PIGG: variants seen among roughly 807,000 people sequenced by gnomAD.
The protein encoded by PIGG is phosphatidylinositol glycan anchor biosynthesis class G (EMM blood group), also known as GPI ethanolamine phosphate transferase 2, catalytic subunit.
PIGG carries 70 observed loss-of-function variants against 83.2 expected under a neutral mutation model. That is an observed-to-expected ratio of 0.84 (90% CI 0.69 to 1.03). The LOEUF (loss-of-function observed/expected upper bound fraction) is 1.03. PIGG is among the 50% of genes least tolerant of loss of function. The pLI is 0.00. For missense variants in PIGG, 1,257 were observed against 1,233.6 expected (o/e 1.02, Z -0.28); for synonymous variants, 532 against 519.5 (o/e 1.02, Z -0.33).
chr4:538,344 G>C (rs571483004), intron 12 of PIGG, among the ~76,000 whole-genome samples: 1 of 152,240 alleles, frequency 6.6e-6, no homozygotes, highest in African/African-American at 2.4e-5. Context: ...AACATACTTC[G>C]AGGGGTGGCT....
In PIGG at chr4:530,506, C is replaced by T. The variant is rs2109014450; in HGVS notation, c.2332C>T (p.Leu778Phe). 8 of 1,613,094 alleles carry T rather than the reference C, an allele frequency of 5.0e-6. No homozygotes were observed. The highest frequency in any genetic ancestry group is 6.8e-6 in the Non-Finnish European group (8 of 1,179,024). ...TCTGTTCACGGGCACCAAAGACTTA[C>T]TTAAATCTCAAGTCATTGCTGCAGA... ...GILFTGTKDL[L>F]KSQVIAADFK... Residue 778 changes from leucine (L) to phenylalanine (F), a missense_variant, in exon 11 of 13, where the codon CTT becomes TTT. Coordinates refer to ENST00000453061, the MANE Select transcript of PIGG (RefSeq NM_001127178.3).
Position 507,600 on chromosome 4 carries a change from C to T in PIGG, c.759+7C>T, listed in dbSNP as rs367706347. Reference sequence around the variant, plus strand: ...CACCTCACTGCAGTCGAAGGTGAGGCTCGCCGTCGCTCACTGTCTGCTGAT... The same window carrying T: ...CACCTCACTGCAGTCGAAGGTGAGGTTCGCCGTCGCTCACTGTCTGCTGAT... On this transcript the variant is annotated splice_region_variant and intron_variant, in intron 4 of 12. Transcript: ENST00000453061. 6.2e-7 allele frequency: 1 copy of T among 1,602,754 alleles called. No homozygotes were observed. Among genetic ancestry groups the T allele is most frequent in the Non-Finnish European group, 8.5e-7 (1 of 1,172,938 alleles).
At chr4:527,469 G>C in intron 10 of PIGG, 1 of 1,278,626 alleles carries the variant, frequency 7.8e-7, no homozygotes, top group Non-Finnish European at 9.8e-7. Context: ...GTTACTTTTA[G>C]GAGACAAATC....
At chr4:507,311 C>A in intron 3 of PIGG, 94 bp from the exon 4 acceptor site, 3 of 952,738 alleles carry the variant, frequency 3.1e-6, no homozygotes, top group South Asian at 1.6e-5. Context: ...CTGAATAAAC[C>A]CCTAGATTTT....
chr4:528,045 C>A lies in PIGG; in HGVS notation c.2261+815C>A. ...AATTATCCAGCAGCAATACAGTGAT[C>A]CTCCCAGTGAGGTCGGTGCTCTGAC... On this transcript the variant is annotated intron_variant, in intron 10 of 12. Coordinates refer to ENST00000453061, the MANE Select transcript of PIGG (RefSeq NM_001127178.3). This position sits in a 1 kb window ranked among gnomAD's most constrained non-coding sequence, Gnocchi z 4.8. 1.0e-6 allele frequency: 1 copy of A among 985,402 alleles called. No homozygotes were observed. The highest frequency in any genetic ancestry group is 1.2e-6 in the Non-Finnish European group (1 of 829,932). The allele number at this position is 985,402 out of a possible 1,614,324, so 61.0% of individuals were successfully genotyped here. A position where few individuals can be genotyped will look rare whatever the true frequency, so the allele number is the denominator to read the frequency against.
intron 10 of PIGG, among the ~76,000 whole-genome samples, chr4:529,730 C>G (rs186465946): frequency 9.5e-4 from 145 of 152,262 alleles, no homozygotes; most frequent in African/African-American, 3.3e-3. Flanking sequence ...CCTGCATTCC[C>G]TTGCTTAATT....
chr4:525,954 A>G (rs1727476778), intron 9 of PIGG: 1 of 152,208 alleles, frequency 6.6e-6, no homozygotes. Context: ...GTGTCCCGGA[A>G]TAGCACTTTG....
chr4:511,295 TTAAAAAAAAAA>T (rs1721852455), intron 5 of PIGG, among the ~76,000 whole-genome samples: 2 of 142,798 alleles, frequency 1.4e-5, no homozygotes, highest in African/African-American at 5.5e-5. Flanking sequence ...CTCCCCATCT[TTAAAAAAAAAA>T]AAAAAAAAAA....
intron 8 of PIGG, chr4:522,939 C>T (rs543558976): frequency 6.5e-6 from 1 of 153,788 alleles, no homozygotes; most frequent in South Asian, 2.1e-4. Context: ...TTAGTGGAAA[C>T]GTTCTGGATT....
rs369271070 is a variant in PIGG at position 526,378 on chromosome 4, C to T, written c.2070-661C>T. Among the ~76,000 whole-genome samples, 9 of 152,376 alleles carry T rather than the reference C, an allele frequency of 5.9e-5. No homozygotes were observed. The East Asian group carries it at 9.6e-4, about 16-fold the overall frequency. On this transcript the variant is annotated intron_variant, in intron 9 of 12. Transcript: ENST00000453061. ...GGGAGCCCGGCCTTCCCCACCCTCA[C>T]ACAGGCCAGGACTGGCTGGTGCTGC... is the stretch of plus-strand genomic sequence containing the variant.
chr4:538,678 A>AGACC (rs902247914), intron 12 of PIGG, among the ~76,000 whole-genome samples: 4 of 152,218 alleles, frequency 2.6e-5, no homozygotes, highest in African/African-American at 9.7e-5. Flanking sequence ...CTGGAGACTC[A>AGACC]GACCTCTGCC....
chr4:527,260 G>C, intron 10 of PIGG, 30 bp downstream of exon 10: 1 of 1,542,816 alleles, frequency 6.5e-7, no homozygotes, highest in Admixed American at 2.0e-5. Flanking sequence ...GGGGTGCATA[G>C]AGCCACTTTA....
chr4:539,344 A>G lies in PIGG; in HGVS notation c.2927A>G (p.Asp976Gly). ...GTCTGTGTATTCTTCACGGCAATGG[A>G]TCAAACCAGACTCACACAGTCTTAG... ...AAVCVFFTAM[D>G]QTRLTQS Residue 976 changes from aspartate (D) to glycine (G), a missense_variant, in exon 13 of 13, where the codon GAT becomes GGT. By Grantham distance (94) the Asp-to-Gly change is moderately conservative. Coordinates refer to ENST00000453061, the MANE Select transcript of PIGG (RefSeq NM_001127178.3). The G allele has an allele frequency of 6.2e-7, 1 of 1,610,600 alleles. No individual in the cohort carries two copies. Among genetic ancestry groups the G allele is most frequent in the Non-Finnish European group, 8.5e-7 (1 of 1,177,070 alleles).
At position 539,663 on chromosome 4, in the gene PIGG, T is replaced by TA. The variant is rs1731591030; in HGVS notation, c.*295dup. 9 of 285,972 alleles carry TA rather than the reference T, an allele frequency of 3.1e-5. No homozygotes were observed. The South Asian group carries it at 4.6e-4, about 14-fold the overall frequency. The allele number at this position is 285,972 out of a possible 1,614,324, so 17.7% of individuals were successfully genotyped here. A position where few individuals can be genotyped will look rare whatever the true frequency, so the allele number is the denominator to read the frequency against. ...TGAATGAAAAGGTTCTGGACTTTGTTAGAGTCCAGGAGCTCTGTGGGAGGA... is the reference window on the plus strand; with the variant it reads ...TGAATGAAAAGGTTCTGGACTTTGTTAAGAGTCCAGGAGCTCTGTGGGAGGA... On this transcript the variant is annotated 3_prime_UTR_variant, in exon 13 of 13. Transcript: ENST00000453061.
chr4:501,429 AG>A (rs1235767787), intron 2 of PIGG, among the ~76,000 whole-genome samples: 4 of 152,262 alleles, frequency 2.6e-5, no homozygotes, highest in Non-Finnish European at 4.4e-5. Context: ...TGAGACTGGA[AG>A]GATGAATAAA....
intron 11 of PIGG, chr4:530,976 G>C (rs1728916423): frequency 3.8e-6 from 2 of 523,690 alleles, no homozygotes; most frequent in Non-Finnish European, 6.7e-6. Flanking sequence ...GCTTTGCTGG[G>C]CCAGGCCTGG....
chr4:521,659 G>A lies in PIGG; in HGVS notation c.1333-1G>A. On this transcript the variant is annotated splice_acceptor_variant, in intron 7 of 12. Coordinates refer to ENST00000453061, the MANE Select transcript of PIGG (RefSeq NM_001127178.3). LOFTEE classifies it high-confidence loss of function. ...TGGATGCTGCTGTTTCTCTGTTCCAGGTTCTCACCCTGCTCCTGCTCAGCG... is the reference window on the plus strand; with the variant it reads ...TGGATGCTGCTGTTTCTCTGTTCCAAGTTCTCACCCTGCTCCTGCTCAGCG... 6.2e-7 allele frequency: 1 copy of A among 1,613,106 alleles called. No homozygotes were observed. The highest frequency in any genetic ancestry group is 8.5e-7 in the Non-Finnish European group (1 of 1,179,126).
At chr4:522,551 G>C (rs1173477432) in intron 8 of PIGG, 1 of 171,862 alleles carries the variant, frequency 5.8e-6, no homozygotes, top group Non-Finnish European at 1.3e-5. Flanking sequence ...ACAGAGCCCA[G>C]GATCAAGGGA....
At chr4:532,891 G>T (rs962682264) in intron 11 of PIGG, 1 of 150,640 alleles carries the variant, frequency 6.6e-6, no homozygotes, top group Non-Finnish European at 1.5e-5. Flanking sequence ...GGGCCTGGGA[G>T]CAGAGAGGAG....
Sources: gnomAD v4.1 joint callset for allele counts (sites outside exome capture counted in the v4.1 genomes callset) on GRCh38, gnomAD v4.1.1 for gene constraint, Gnocchi (gnomAD v3.1) non-coding constraint, MANE v1.5 for transcripts, NCBI Gene and HGNC (gene_info 2026-07-23, HGNC 2026-07-21) for gene names.